Variants in POU2F1 observed in about 807,000 individuals in gnomAD.
POU2F1 encodes the protein POU class 2 homeobox 1.
Under a neutral mutation model 84.9 loss-of-function variants are expected in POU2F1, and 16 were observed. The observed-to-expected ratio is 0.19, with a 90% CI of 0.13 to 0.29. The LOEUF (loss-of-function observed/expected upper bound fraction) is 0.29. Among genes scored for constraint, POU2F1 ranks in the 10% least tolerant of loss-of-function variants. POU2F1 has a pLI of 1.00. For missense variants in POU2F1, 738 were observed against 942.6 expected (o/e 0.78, Z 2.84); for synonymous variants, 368 against 368.3 (o/e 1.00, Z 0.01).
At chr1:167,266,634 T>A (rs1476363765) in intron 1 of POU2F1, among the ~76,000 whole-genome samples, 2 of 150,312 alleles carry the variant, frequency 1.3e-5, no homozygotes, top group Non-Finnish European at 3.0e-5. Context: ...TTTTTTTTTT[T>A]TTTTTTTTGA....
intron 13 of POU2F1, among the ~76,000 whole-genome samples, chr1:167,402,317 C>T (rs937442219): frequency 6.6e-6 from 1 of 152,102 alleles, no homozygotes; most frequent in Admixed American, 6.5e-5. Context: ...CTTGATTTAA[C>T]CTAGAGGTAG....
At chr1:167,297,679 TAG>T (rs1248909371) in intron 1 of POU2F1, among the ~76,000 whole-genome samples, 2 of 152,182 alleles carry the variant, frequency 1.3e-5, no homozygotes, top group Admixed American at 6.5e-5. Context: ...CTTATTCAGC[TAG>T]AGAGAGTTGG....
chr1:167,314,288 G>A (rs1397529833), intron 1 of POU2F1, among the ~76,000 whole-genome samples: 2 of 152,060 alleles, frequency 1.3e-5, no homozygotes, highest in Non-Finnish European at 2.9e-5. Context: ...ATAAAAGGGT[G>A]TTCAGTATTA....
intron 1 of POU2F1, among the ~76,000 whole-genome samples, chr1:167,234,619 A>G (rs895080257): frequency 6.6e-6 from 1 of 152,270 alleles, no homozygotes; most frequent in African/African-American, 2.4e-5. Flanking sequence ...CTATAGTCCT[A>G]ACTATTCTGG....
At chr1:167,359,824 T>C (rs1240328424) in intron 2 of POU2F1, among the ~76,000 whole-genome samples, 6 of 150,600 alleles carry the variant, frequency 4.0e-5, no homozygotes, top group Non-Finnish European at 8.9e-5. Flanking sequence ...TTTTTTTTTT[T>C]CAGCTTTGTC....
chr1:167,414,791 T>G (rs1293730824), intron 15 of POU2F1: 1 of 889,016 alleles, frequency 1.1e-6, no homozygotes, highest in African/African-American at 1.8e-5. Flanking sequence ...AAGTGAGAAA[T>G]TAATTATACC....
chr1:167,221,277 C>T (rs927367157), intron 1 of POU2F1, among the ~76,000 whole-genome samples: 3 of 151,198 alleles, frequency 2.0e-5, no homozygotes, highest in Non-Finnish European at 4.4e-5. Context: ...CCGCCGCTGC[C>T]GCCTCCTCGC....
Position 167,389,575 on chromosome 1 carries a change from C to T in POU2F1, c.814-13C>T. ...ACGTGTTTTTCCTCATTGTTTTATT[C>T]TTTCTCCAACAGCCAGCAACCCCAA... On this transcript the variant is annotated splice_polypyrimidine_tract_variant and intron_variant, in intron 8 of 15. Transcript: ENST00000367866. The T allele has an allele frequency of 6.2e-7, 1 of 1,613,646 alleles. No homozygotes were observed. Among genetic ancestry groups the T allele is most frequent in the Non-Finnish European group, 8.5e-7 (1 of 1,179,688 alleles).
intron 2 of POU2F1, among the ~76,000 whole-genome samples, chr1:167,345,755 T>C (rs1658150726): frequency 6.6e-6 from 1 of 152,184 alleles, no homozygotes; most frequent in African/African-American, 2.4e-5. Flanking sequence ...AAGGTCTGTC[T>C]TTCTGGTTTT....
chr1:167,412,356 A>G, intron 14 of POU2F1, 52 bp downstream of exon 14: 1 of 1,432,496 alleles, frequency 7.0e-7, no homozygotes, highest in Non-Finnish European at 9.4e-7. Flanking sequence ...CATCCCTGGA[A>G]TTACTCACAG....
intron 1 of POU2F1, among the ~76,000 whole-genome samples, chr1:167,305,960 A>G (rs1170297794): frequency 6.6e-6 from 1 of 152,234 alleles, no homozygotes; most frequent in Admixed American, 6.5e-5. Context: ...TTTTATTTTT[A>G]GTATACATAG....
At chr1:167,339,723 T>C (rs1231058091) in intron 2 of POU2F1, among the ~76,000 whole-genome samples, 3 of 152,174 alleles carry the variant, frequency 2.0e-5, no homozygotes, top group Non-Finnish European at 4.4e-5. Context: ...CCTTAGGAGT[T>C]TGTCATCTTT....
rs576861300 is a variant in POU2F1, at chr1:167,268,632, C to T, written c.61+47674C>T. Among the ~76,000 whole-genome samples the T allele has an allele frequency of 4.6e-5, 7 of 152,338 alleles. No homozygotes were observed. In the South Asian group the frequency reaches 1.2e-3, roughly 27 times the overall value. On this transcript the variant is annotated intron_variant, in intron 1 of 15. Coordinates refer to ENST00000367866, the MANE Select transcript of POU2F1 (RefSeq NM_002697.4). ...CAGATCCTCATTACCTCACGTTTTC[C>T]TCCTCTTCCTCCTATGCCACACACA...
chr1:167,302,353 C>G (rs909503332), intron 1 of POU2F1, among the ~76,000 whole-genome samples: 7 of 151,804 alleles, frequency 4.6e-5, no homozygotes, highest in African/African-American at 1.7e-4. Flanking sequence ...CTCTGACTCC[C>G]TAGTTCAAGC....
At chr1:167,261,597 A>G (rs954186701) in intron 1 of POU2F1, among the ~76,000 whole-genome samples, 2 of 152,176 alleles carry the variant, frequency 1.3e-5, no homozygotes, top group Non-Finnish European at 2.9e-5. Flanking sequence ...AGGATGACCA[A>G]CTTTGATCTC....
intron 1 of POU2F1, among the ~76,000 whole-genome samples, chr1:167,249,076 ATTC>A (rs1171318686): frequency 1.3e-5 from 2 of 152,194 alleles, no homozygotes; most frequent in East Asian, 1.9e-4. Context: ...TTTTCAATTA[ATTC>A]TTCTTACTGA....
chr1:167,336,826 C>T (rs1208404333), intron 2 of POU2F1, among the ~76,000 whole-genome samples: 2 of 151,742 alleles, frequency 1.3e-5, no homozygotes, highest in Non-Finnish European at 1.5e-5. Context: ...CCCAGGAGTT[C>T]GAGACCAGCA....
intron 3 of POU2F1, among the ~76,000 whole-genome samples, chr1:167,366,944 G>T (rs750310064): frequency 1.8e-4 from 27 of 152,018 alleles, no homozygotes; most frequent in Non-Finnish European, 3.4e-4. Context: ...ATCACTGAGG[G>T]TGCACAGATG....
intron 1 of POU2F1, among the ~76,000 whole-genome samples, chr1:167,274,492 G>A (rs1481415161): frequency 2.0e-5 from 3 of 152,094 alleles, no homozygotes; most frequent in Non-Finnish European, 4.4e-5. Context: ...TATAGAACAT[G>A]TGGGTCTATG....
Sources: gnomAD v4.1 joint callset for allele counts (sites outside exome capture counted in the v4.1 genomes callset) on GRCh38, gnomAD v4.1.1 for gene constraint, MANE v1.5 for transcripts, NCBI Gene and HGNC (gene_info 2026-07-23, HGNC 2026-07-21) for gene names.